Variants in DLGAP1 observed in about 807,000 individuals in gnomAD.
DLGAP1 encodes disks large-associated protein 1.
Under a neutral mutation model 90.8 loss-of-function variants are expected in DLGAP1, and 11 were observed. The ratio of observed to expected loss-of-function variants is 0.12; its 90% CI spans 0.08 to 0.20. The LOEUF (loss-of-function observed/expected upper bound fraction) is 0.20, where lower values mean the gene tolerates loss of function less well. DLGAP1 is among the 10% of genes least tolerant of loss of function. The probability of loss-of-function intolerance (pLI) is 1.00; values close to 1 mark genes in which losing one functional copy is unlikely to be tolerated. For synonymous variants in DLGAP1, 558 were observed against 540.7 expected (o/e 1.03, Z -0.44); for missense variants, 1,050 against 1,333.8 (o/e 0.79, Z 3.31).
intron 4 of DLGAP1, among the ~76,000 whole-genome samples, chr18:3,868,755 CAGA>C (rs2070559996): frequency 6.6e-6 from 1 of 152,220 alleles, no homozygotes; most frequent in African/African-American, 2.4e-5. Flanking sequence ...ACAGGGCTCA[CAGA>C]AGAAGTTTGA....
At chr18:3,979,501 A>G (rs1452858751) in intron 3 of DLGAP1, among the ~76,000 whole-genome samples, 1 of 152,216 alleles carries the variant, frequency 6.6e-6, no homozygotes, top group African/African-American at 2.4e-5. Flanking sequence ...GGATTTTTGA[A>G]AAGCGTATCT....
intron 1 of DLGAP1, among the ~76,000 whole-genome samples, chr18:4,448,469 T>G (rs531989945): frequency 6.6e-5 from 10 of 152,198 alleles, no homozygotes; most frequent in African/African-American, 2.4e-4. Context: ...TCCCTTAGGA[T>G]TCATATCATC....
chr18:3,784,487 G>T (rs972935840), intron 5 of DLGAP1, among the ~76,000 whole-genome samples: 3 of 152,140 alleles, frequency 2.0e-5, no homozygotes, highest in Non-Finnish European at 4.4e-5. Context: ...GAATCCTGGA[G>T]AATCTATTTT....
At chr18:4,277,073 A>G (rs940902750) in intron 1 of DLGAP1, among the ~76,000 whole-genome samples, 1 of 152,232 alleles carries the variant, frequency 6.6e-6, no homozygotes, top group East Asian at 1.9e-4. Flanking sequence ...AAGTTTAAAT[A>G]AAATCTCATC....
intron 1 of DLGAP1, among the ~76,000 whole-genome samples, chr18:4,185,172 A>G (rs947167571): frequency 6.6e-6 from 1 of 152,022 alleles, no homozygotes; most frequent in Non-Finnish European, 1.5e-5. Flanking sequence ...CTAATATTTT[A>G]TTTTTAAAAT....
intron 9 of DLGAP1, among the ~76,000 whole-genome samples, chr18:3,543,970 C>A (rs1360556034): frequency 7.3e-6 from 1 of 137,580 alleles, no homozygotes; most frequent in Non-Finnish European, 1.5e-5. Context: ...ACTGGGATAT[C>A]TTTATTCCTC....
intron 1 of DLGAP1, among the ~76,000 whole-genome samples, chr18:4,392,975 T>C (rs1485211735): frequency 4.6e-5 from 7 of 152,174 alleles, no homozygotes; most frequent in East Asian, 1.9e-4. Context: ...AAGTCATGTG[T>C]ACTGTATTTC....
intron 5 of DLGAP1, among the ~76,000 whole-genome samples, chr18:3,788,721 T>C (rs1009369780): frequency 6.6e-6 from 1 of 152,158 alleles, no homozygotes; most frequent in African/African-American, 2.4e-5. Flanking sequence ...AGAGCTACTT[T>C]TGCCATATAA....
chr18:3,994,240 T>G (rs1298673059), intron 3 of DLGAP1, among the ~76,000 whole-genome samples: 1 of 152,154 alleles, frequency 6.6e-6, no homozygotes, highest in Admixed American at 6.5e-5. Context: ...CCTGTGCTGG[T>G]GTTTCAGCAG....
chr18:3,674,424 G>C (rs975982618), intron 7 of DLGAP1, among the ~76,000 whole-genome samples: 5 of 151,442 alleles, frequency 3.3e-5, no homozygotes, highest in Admixed American at 6.6e-5. Context: ...TTTGAGACTA[G>C]CCTGCACAAC....
At chr18:4,394,117 T>C (rs1348325046) in intron 1 of DLGAP1, among the ~76,000 whole-genome samples, 1 of 152,232 alleles carries the variant, frequency 6.6e-6, no homozygotes, top group Non-Finnish European at 1.5e-5. Context: ...AAAGTAGCTA[T>C]ATGGCTAAAC....
intron 5 of DLGAP1, among the ~76,000 whole-genome samples, chr18:3,770,625 C>T (rs948712869): frequency 6.6e-6 from 1 of 151,818 alleles, no homozygotes; most frequent in Non-Finnish European, 1.5e-5. Flanking sequence ...TTCATCTGAA[C>T]AAAAACATAA....
chr18:4,404,001 C>T (rs575412125), intron 1 of DLGAP1, among the ~76,000 whole-genome samples: 1 of 152,256 alleles, frequency 6.6e-6, no homozygotes, highest in Non-Finnish European at 1.5e-5. Context: ...AACCTTTAAA[C>T]TTCCCAGTCC....
At chr18:3,665,938 T>G (rs1163220397) in intron 7 of DLGAP1, among the ~76,000 whole-genome samples, 1 of 152,084 alleles carries the variant, frequency 6.6e-6, no homozygotes, top group Non-Finnish European at 1.5e-5. Flanking sequence ...CTCTCATCCT[T>G]GGAGGTTAAG....
intron 3 of DLGAP1, among the ~76,000 whole-genome samples, chr18:3,947,792 T>C (rs1473195615): frequency 6.6e-6 from 1 of 152,204 alleles, no homozygotes; most frequent in East Asian, 1.9e-4. Flanking sequence ...AAAGTGCTAC[T>C]ACAACAAGCC....
intron 1 of DLGAP1, among the ~76,000 whole-genome samples, chr18:4,320,620 C>G (rs1214133945): frequency 2.0e-5 from 3 of 152,034 alleles, no homozygotes; most frequent in Admixed American, 6.6e-5. Flanking sequence ...CAATCAAAAG[C>G]TCTGATTTTA....
intron 1 of DLGAP1, among the ~76,000 whole-genome samples, chr18:4,403,608 T>C (rs1183976376): frequency 6.6e-6 from 1 of 152,182 alleles, no homozygotes; most frequent in Non-Finnish European, 1.5e-5. Flanking sequence ...ATAAATTATA[T>C]TTTAAGAAAT....
chr18:4,355,480 T>C (rs530039052), intron 1 of DLGAP1, among the ~76,000 whole-genome samples: 24 of 152,292 alleles, frequency 1.6e-4, no homozygotes, highest in Non-Finnish European at 1.5e-5. Context: ...AGGAATAGAA[T>C]AAGGGTGCCA....
rs34299932 is a variant in DLGAP1, at chr18:4,177,351, A to AACACACACAC, written c.-266-26074_-266-26065dup. On this transcript the variant is annotated intron_variant, in intron 1 of 12. Transcript: ENST00000315677. ...AATACATATGCCTTGACTTTCTTTG[A>AACACACACAC]ACACACACACACACACACACACACA... Among the ~76,000 whole-genome samples, 128 of 141,660 alleles carry AACACACACAC rather than the reference A, an allele frequency of 9.0e-4. 3 individuals carry two copies. Among genetic ancestry groups the AACACACACAC allele is most frequent in the South Asian group, 7.1e-3 (30 of 4,254 alleles). The allele number at this position is 141,660 out of a possible 152,430, so 92.9% of individuals were successfully genotyped here.
Sources: gnomAD v4.1 joint callset for allele counts (sites outside exome capture counted in the v4.1 genomes callset) on GRCh38, gnomAD v4.1.1 for gene constraint, MANE v1.5 for transcripts, NCBI Gene and HGNC (gene_info 2026-07-23, HGNC 2026-07-21) for gene names.